TLL1: variants seen among roughly 807,000 people sequenced by gnomAD.
The protein encoded by TLL1 is tolloid like 1.
Under a neutral mutation model 128.2 loss-of-function variants are expected in TLL1, and 49 were observed. That is an observed-to-expected ratio of 0.38 (90% confidence interval 0.30 to 0.48). TLL1 has a LOEUF of 0.48. Ranked by LOEUF, TLL1 falls within the 20% of genes least tolerant of loss-of-function variation. The probability of loss-of-function intolerance (pLI) is 0.96; values close to 1 mark genes in which losing one functional copy is unlikely to be tolerated. For synonymous variants in TLL1, 454 were observed against 418.8 expected, an observed-to-expected ratio of 1.08 and a Z score of -1.03; for missense variants, 1,123 against 1,242.0, an observed-to-expected ratio of 0.90 and a Z score of 1.44.
chr4:166,031,739 G>C (rs147285246), intron 9 of TLL1, among the ~76,000 whole-genome samples: 122 of 151,974 alleles, frequency 8.0e-4, no homozygotes, highest in African/African-American at 2.9e-3. Flanking sequence ...AAAAGTAATA[G>C]GTCAAAATTT....
At chr4:165,973,382 A>C (rs1183634909) in intron 1 of TLL1, among the ~76,000 whole-genome samples, 1 of 151,830 alleles carries the variant, frequency 6.6e-6, no homozygotes, top group Non-Finnish European at 1.5e-5. Context: ...CTATCAAATA[A>C]ATAAACTATC....
chr4:165,997,758 C>T (rs1328820506), intron 5 of TLL1, among the ~76,000 whole-genome samples: 1 of 152,074 alleles, frequency 6.6e-6, no homozygotes, highest in Non-Finnish European at 1.5e-5. Flanking sequence ...GGACTTTTTG[C>T]CACTTAGCTT....
At chr4:166,058,248 A>G (rs930140167) in intron 14 of TLL1, among the ~76,000 whole-genome samples, 1 of 151,938 alleles carries the variant, frequency 6.6e-6, no homozygotes, top group Admixed American at 6.6e-5. Context: ...CCATCTATAT[A>G]TCTATTCATC....
chr4:165,976,946 T>G (rs763555521), intron 1 of TLL1, among the ~76,000 whole-genome samples: 4 of 152,128 alleles, frequency 2.6e-5, no homozygotes, highest in Non-Finnish European at 4.4e-5. Flanking sequence ...TCATCTATAG[T>G]TAGTGTTAGC....
At chr4:166,041,300 CTTT>C (rs1184950595) in intron 10 of TLL1, among the ~76,000 whole-genome samples, 2 of 121,678 alleles carry the variant, frequency 1.6e-5, no homozygotes, top group African/African-American at 3.3e-5. Context: ...TTCTTTCTTT[CTTT>C]CTTTTTTTTT....
At chr4:165,985,691 A>C (rs1736363538) in intron 1 of TLL1, among the ~76,000 whole-genome samples, 1 of 152,022 alleles carries the variant, frequency 6.6e-6, no homozygotes. Flanking sequence ...AGGGAATCAC[A>C]ATCTTGAATT....
Position 166,027,855 on chromosome 4 carries a change from C to T in TLL1, c.1158+2424C>T, listed in dbSNP as rs550870292. Among the ~76,000 whole-genome samples, 5 of 152,164 alleles carry T rather than the reference C, an allele frequency of 3.3e-5. No homozygotes were observed. The East Asian group carries it at 5.8e-4, about 18-fold the overall frequency. On this transcript the variant is annotated intron_variant, in intron 9 of 20. Transcript: ENST00000061240. ...TTCTCCTGTCCAATTCCAAAACTCT[C>T]GCCATTAGCATTGAGCTAATTTATT... is the stretch of plus-strand genomic sequence containing the variant.
chr4:165,908,453 T>C lies in TLL1; in HGVS notation c.169+34380T>C, dbSNP rs146337794. On this transcript the variant is annotated intron_variant, in intron 1 of 20. Transcript: ENST00000061240. ...TAAAAATTATCCAGGTGCGGTGACA[T>C]TTGCCTGTAGTCCCAGCTACTCAGG... 5.8e-3 allele frequency among the ~76,000 whole-genome samples: 876 copies of C among 151,794 alleles called. 6 individuals carry two copies. The highest frequency in any genetic ancestry group is 0.02 in the African/African-American group (828 of 41,414).
intron 1 of TLL1, among the ~76,000 whole-genome samples, chr4:165,961,377 T>G (rs540440591): frequency 6.6e-6 from 1 of 152,066 alleles, no homozygotes; most frequent in African/African-American, 2.4e-5. Context: ...TCAATATTCT[T>G]AAAATGGCCA....
chr4:165,910,264 T>C (rs1732468216), intron 1 of TLL1, among the ~76,000 whole-genome samples: 1 of 152,048 alleles, frequency 6.6e-6, no homozygotes, highest in Non-Finnish European at 1.5e-5. Context: ...GATACAGGAG[T>C]AACTTCTTGG....
chr4:165,977,893 G>C (rs1038966278), intron 1 of TLL1, among the ~76,000 whole-genome samples: 10 of 152,066 alleles, frequency 6.6e-5, no homozygotes, highest in African/African-American at 2.4e-4. Context: ...ATACATTTCT[G>C]TATATATATG....
intron 1 of TLL1, among the ~76,000 whole-genome samples, chr4:165,957,859 C>T (rs1210268451): frequency 1.0e-5 from 1 of 96,580 alleles, no homozygotes; most frequent in African/African-American, 4.1e-5. Context: ...CTATCCCTCC[C>T]CCCTCCCCCC....
intron 1 of TLL1, among the ~76,000 whole-genome samples, chr4:165,878,298 T>C (rs892846752): frequency 5.9e-5 from 9 of 152,206 alleles, no homozygotes; most frequent in Admixed American, 3.9e-4. Context: ...CATTTAAAAA[T>C]GCATTTCATA....
At chr4:166,052,965 G>GTGTGTGTATATATATATATA in intron 12 of TLL1, among the ~76,000 whole-genome samples, 2 of 99,646 alleles carry the variant, frequency 2.0e-5, no homozygotes, top group African/African-American at 7.6e-5. Flanking sequence ...GAGGTTATGT[G>GTGTGTGTATATATATATATA]TATATATATA....
intron 8 of TLL1, among the ~76,000 whole-genome samples, 197 bp from the exon 9 acceptor site, chr4:166,025,119 C>G (rs1560819245): frequency 6.6e-6 from 1 of 151,958 alleles, no homozygotes; most frequent in East Asian, 1.9e-4. Context: ...CGGTGATTCA[C>G]CATAATGATG....
At chr4:165,910,081 C>T (rs942093883) in intron 1 of TLL1, among the ~76,000 whole-genome samples, 5 of 152,112 alleles carry the variant, frequency 3.3e-5, no homozygotes, top group Non-Finnish European at 7.3e-5. Flanking sequence ...GGAGGAATCA[C>T]GCTGTGGTGA....
chr4:165,902,851 A>T (rs904870638), intron 1 of TLL1, among the ~76,000 whole-genome samples: 1 of 152,240 alleles, frequency 6.6e-6, no homozygotes, highest in African/African-American at 2.4e-5. Context: ...TTCAAAATGA[A>T]TCAGACTTAG....
chr4:165,979,652 G>A (rs1736058606), intron 1 of TLL1, among the ~76,000 whole-genome samples: 1 of 152,092 alleles, frequency 6.6e-6, no homozygotes, highest in Non-Finnish European at 1.5e-5. Flanking sequence ...GCCAGGCATG[G>A]TGCTGTGCGC....
At chr4:166,000,099 C>T (rs184158180) in intron 5 of TLL1, among the ~76,000 whole-genome samples, 1 of 152,014 alleles carries the variant, frequency 6.6e-6, no homozygotes, top group Admixed American at 6.6e-5. Context: ...AGTTTTTGCT[C>T]GATGCTACAG....
Sources: gnomAD v4.1 joint callset for allele counts (sites outside exome capture counted in the v4.1 genomes callset) on GRCh38, gnomAD v4.1.1 for gene constraint, MANE v1.5 for transcripts, NCBI Gene and HGNC (gene_info 2026-07-23, HGNC 2026-07-21) for gene names.